TUT4: variants seen among roughly 807,000 people sequenced by gnomAD.
TUT4 encodes terminal uridylyl transferase 4.
TUT4 carries 36 observed loss-of-function variants against 192.2 expected under a neutral mutation model. The observed-to-expected ratio is 0.19, with a 90% CI of 0.14 to 0.25. TUT4 has a LOEUF of 0.25. Among genes scored for constraint, TUT4 ranks in the 10% least tolerant of loss-of-function variants. TUT4 has a pLI of 1.00. For missense variants in TUT4, 1,493 were observed against 1,957.2 expected (o/e 0.76, Z 4.47); for synonymous variants, 618 against 666.0 (o/e 0.93, Z 1.11).
At chr1:52,514,778 T>A (rs1433298308) in intron 3 of TUT4, 1 of 108,582 alleles carries the variant, frequency 9.2e-6, no homozygotes, top group Non-Finnish European at 1.7e-5. Flanking sequence ...TTATTTGTGA[T>A]TTTTTTTTTT....
intron 2 of TUT4, among the ~76,000 whole-genome samples, chr1:52,521,528 A>G (rs1251513146): frequency 6.6e-6 from 1 of 150,906 alleles, no homozygotes; most frequent in African/African-American, 2.4e-5. Flanking sequence ...AGCCGGGTGT[A>G]GTGGTACACG....
In TUT4 at chr1:52,510,317, C is replaced by CAAAA. The variant is rs200690805; in HGVS notation, c.883-609_883-606dup. On this transcript the variant is annotated intron_variant, in intron 3 of 29. Coordinates refer to ENST00000257177, the MANE Select transcript of TUT4 (RefSeq NM_001009881.3). ...GCAACAGAGCAAGACTTCGTATTAA[C>CAAAA]AAAAAAAAAAAAAAAAAAAAAAAAG... Among the ~76,000 whole-genome samples, 430 of 78,538 alleles carry CAAAA rather than the reference C, an allele frequency of 5.5e-3. 2 individuals are homozygous for CAAAA. Among genetic ancestry groups the CAAAA allele is most frequent in the South Asian group, 0.019 (42 of 2,230 alleles). The allele number at this position is 78,538 out of a possible 152,430, so 51.5% of individuals were successfully genotyped here.
intron 7 of TUT4, among the ~76,000 whole-genome samples, chr1:52,492,988 G>T (rs909465098): frequency 3.3e-5 from 5 of 152,114 alleles, no homozygotes; most frequent in Non-Finnish European, 5.9e-5. Context: ...AATGATTATA[G>T]GTTTTGTCTT....
Position 52,522,743 on chromosome 1 carries a change from T to C in TUT4, c.718+2820A>G, listed in dbSNP as rs150248654. Reference sequence around the variant, plus strand: ...GAGTCTGAGATCAGCCTGGCCAACATGGCGAAACCCCATCTCCAGTAAAAA... The same window carrying C: ...GAGTCTGAGATCAGCCTGGCCAACACGGCGAAACCCCATCTCCAGTAAAAA... On this transcript the variant is annotated intron_variant, in intron 2 of 29. Coordinates refer to ENST00000257177, the MANE Select transcript of TUT4 (RefSeq NM_001009881.3). Among the ~76,000 whole-genome samples, 767 of 152,086 alleles carry C rather than the reference T, an allele frequency of 5.0e-3. 8 individuals carry two copies. The highest frequency in any genetic ancestry group is 0.017 in the African/African-American group (709 of 41,500).
chr1:52,525,286 G>A (rs1446141041), intron 2 of TUT4, among the ~76,000 whole-genome samples: 1 of 152,032 alleles, frequency 6.6e-6, no homozygotes. Flanking sequence ...GTATGTGTAC[G>A]AGCATGTGTG....
At chr1:52,469,345 G>A (rs1460814389) in intron 14 of TUT4, among the ~76,000 whole-genome samples, 1 of 31,010 alleles carries the variant, frequency 3.2e-5, no homozygotes, top group Non-Finnish European at 5.3e-5. Flanking sequence ...GAATCGATAA[G>A]ACTTAAGGGC....
chr1:52,481,330 G>C, intron 11 of TUT4, 93 bp downstream of exon 11: 1 of 1,350,064 alleles, frequency 7.4e-7, no homozygotes, highest in Middle Eastern at 2.1e-4. Flanking sequence ...GCTTGCTCAA[G>C]GTCAGTCAAT....
chr1:52,458,015 G>C (rs1406954976), intron 20 of TUT4, among the ~76,000 whole-genome samples: 1 of 152,116 alleles, frequency 6.6e-6, no homozygotes, highest in Non-Finnish European at 1.5e-5. Flanking sequence ...TTGCATCTTG[G>C]AGACTATAAA....
chr1:52,466,265 T>A (rs1329144767), intron 15 of TUT4, among the ~76,000 whole-genome samples: 1 of 152,082 alleles, frequency 6.6e-6, no homozygotes, highest in Non-Finnish European at 1.5e-5. Flanking sequence ...TCCCAGCGCT[T>A]CAGGAAGCCA....
At chr1:52,528,843 C>A (rs1194808381) in intron 1 of TUT4, among the ~76,000 whole-genome samples, 1 of 151,948 alleles carries the variant, frequency 6.6e-6, no homozygotes, top group African/African-American at 2.4e-5. Context: ...GCCTCCCAAG[C>A]AACTAAGAAC....
intron 20 of TUT4, among the ~76,000 whole-genome samples, chr1:52,451,579 C>T (rs1032151452): frequency 1.3e-5 from 2 of 152,140 alleles, no homozygotes; most frequent in South Asian, 2.1e-4. Context: ...CGGTGGCTCA[C>T]GCCTGTAATC....
chr1:52,551,612 A>G (rs762257772), intron 1 of TUT4, among the ~76,000 whole-genome samples: 6 of 152,258 alleles, frequency 3.9e-5, no homozygotes, highest in Non-Finnish European at 7.3e-5. Context: ...AGTTGTGACT[A>G]ATCAGTACTA....
intron 11 of TUT4, among the ~76,000 whole-genome samples, chr1:52,480,777 G>C (rs1417065888): frequency 2.0e-5 from 3 of 152,162 alleles, no homozygotes; most frequent in Non-Finnish European, 4.4e-5. Context: ...AGCAAGCATT[G>C]GCTGAGAGTA....
At position 52,423,992 on chromosome 1, in the gene TUT4, G is replaced by A; in HGVS notation, c.4881C>T (p.Ala1627=). ...GACAACGCTCTCTACACCGACGGGT[G>A]GCACATCTGTCTGTTGGATACAACA... ...NKPFYTQDRC[A]TRRCRERCPH... The change falls in exon 30 of 30, where the codon GCC becomes GCT. Residue 1627 remains alanine, a synonymous_variant. Transcript: ENST00000257177. The A allele has an allele frequency of 6.2e-7, 1 of 1,611,526 alleles. No individual in the cohort carries two copies. The highest frequency in any genetic ancestry group is 8.5e-7 in the Non-Finnish European group (1 of 1,178,894).
intron 11 of TUT4, among the ~76,000 whole-genome samples, chr1:52,480,382 A>G (rs1247566052): frequency 6.6e-6 from 1 of 152,214 alleles, no homozygotes; most frequent in East Asian, 1.9e-4. Context: ...AGAAACTGAG[A>G]AATGACCACG....
chr1:52,540,233 A>T (rs1199850697), intron 1 of TUT4, among the ~76,000 whole-genome samples: 2 of 147,720 alleles, frequency 1.4e-5, no homozygotes, highest in Non-Finnish European at 3.0e-5. Flanking sequence ...AAAAAAAAAA[A>T]TGGCCGGACG....
At chr1:52,442,043 C>G (rs534848839) in intron 24 of TUT4, among the ~76,000 whole-genome samples, 1 of 151,926 alleles carries the variant, frequency 6.6e-6, no homozygotes, top group South Asian at 2.1e-4. Context: ...TGGCGTGCAC[C>G]TGTAATCCCA....
intron 1 of TUT4, among the ~76,000 whole-genome samples, chr1:52,535,596 A>C (rs563026362): frequency 6.6e-6 from 1 of 152,300 alleles, no homozygotes; most frequent in East Asian, 1.9e-4. Context: ...AGAAAGAAGA[A>C]AGAGAAGGGT....
chr1:52,497,816 G>A (rs1008748188), intron 4 of TUT4, among the ~76,000 whole-genome samples: 1 of 152,090 alleles, frequency 6.6e-6, no homozygotes, highest in Non-Finnish European at 1.5e-5. Flanking sequence ...ATACAAAGAA[G>A]AAAATAACCC....
Sources: gnomAD v4.1 joint callset for allele counts (sites outside exome capture counted in the v4.1 genomes callset) on GRCh38, gnomAD v4.1.1 for gene constraint, MANE v1.5 for transcripts, NCBI Gene and HGNC (gene_info 2026-07-23, HGNC 2026-07-21) for gene names.